The following AKAP6 variants were observed in gnomAD, a reference collection of about 807,000 sequenced individuals.
AKAP6 encodes the protein A-kinase anchor protein 6.
A neutral mutation model predicts 188.5 loss-of-function variants in AKAP6; 58 were observed. That is an observed-to-expected ratio of 0.31 (90% CI 0.25 to 0.38). AKAP6 has a LOEUF of 0.38. AKAP6 is among the 10% of genes least tolerant of loss of function. AKAP6 has a pLI of 1.00. For missense variants in AKAP6, 2,710 were observed against 2,740.0 expected (o/e 0.99, Z 0.24); for synonymous variants, 989 against 998.6 (o/e 0.99, Z 0.18).
At chr14:32,739,793 C>A (rs1244992609) in intron 11 of AKAP6, among the ~76,000 whole-genome samples, 2 of 152,028 alleles carry the variant, frequency 1.3e-5, no homozygotes, top group Non-Finnish European at 2.9e-5. Flanking sequence ...TTAGGTTGGG[C>A]TTCCAAATCT....
At chr14:32,393,462 A>C (rs545404902) in intron 1 of AKAP6, among the ~76,000 whole-genome samples, 1 of 152,154 alleles carries the variant, frequency 6.6e-6, no homozygotes, top group East Asian at 1.9e-4. Flanking sequence ...AATGACCCTG[A>C]ATAGATCCTG....
chr14:32,381,614 G>A (rs1462208657), intron 1 of AKAP6, among the ~76,000 whole-genome samples: 1 of 152,152 alleles, frequency 6.6e-6, no homozygotes, highest in Non-Finnish European at 1.5e-5. Flanking sequence ...AGCAGTGGGG[G>A]AACTAGGAGA....
rs71115086 is a variant in AKAP6, at chr14:32,615,167, C to CAAAAAAAAAAAAAAA, written c.2730+14380_2730+14394dup. 8.3e-3 allele frequency among the ~76,000 whole-genome samples: 444 copies of CAAAAAAAAAAAAAAA among 53,430 alleles called. 89 individuals carry two copies. Among genetic ancestry groups the CAAAAAAAAAAAAAAA allele is most frequent in the East Asian group, 0.04 (74 of 1,834 alleles). 35.1% of individuals were successfully genotyped at this position (53,430 alleles called of 152,430 possible). The stretch of plus-strand genomic sequence containing the variant: ...CTGGCAACAGAGCAAGACTCTGTCT[C>CAAAAAAAAAAAAAAA]AAAAAAAAAAAAAAAAAAAGATAAA... On this transcript the variant is annotated intron_variant, in intron 7 of 13. Coordinates refer to ENST00000280979, the MANE Select transcript of AKAP6 (RefSeq NM_004274.5).
intron 11 of AKAP6, among the ~76,000 whole-genome samples, chr14:32,740,681 T>C (rs1203962153): frequency 1.3e-5 from 2 of 152,046 alleles, no homozygotes; most frequent in African/African-American, 4.8e-5. Context: ...GAGTTCACTG[T>C]AGGTGTGTGA....
chr14:32,765,305 T>C (rs1345920734), intron 11 of AKAP6, among the ~76,000 whole-genome samples: 1 of 152,202 alleles, frequency 6.6e-6, no homozygotes, highest in Non-Finnish European at 1.5e-5. Context: ...CAGATGCATA[T>C]AGTCGACTCA....
chr14:32,758,719 G>A (rs1277449325), intron 11 of AKAP6, among the ~76,000 whole-genome samples: 2 of 152,112 alleles, frequency 1.3e-5, no homozygotes, highest in Non-Finnish European at 2.9e-5. Context: ...GGCAACAAGA[G>A]TGAAACTCCA....
chr14:32,485,643 C>T, intron 2 of AKAP6, among the ~76,000 whole-genome samples: 1 of 135,312 alleles, frequency 7.4e-6, no homozygotes, highest in Non-Finnish European at 1.5e-5. Context: ...ACCCTTCGCC[C>T]ACCTTTTAAT....
intron 1 of AKAP6, among the ~76,000 whole-genome samples, chr14:32,383,457 C>T (rs1001096231): frequency 2.0e-5 from 3 of 152,078 alleles, no homozygotes; most frequent in Admixed American, 6.6e-5. Context: ...TGTAACGTGT[C>T]ACATACTCTG....
Position 32,686,573 on chromosome 14 carries a change from C to T in AKAP6, c.2879+8114C>T, listed in dbSNP as rs569089891. Among the ~76,000 whole-genome samples, 17 of 151,768 alleles carry T rather than the reference C, an allele frequency of 1.1e-4. No individual in the cohort carries two copies. The South Asian group carries it at 3.4e-3, about 30-fold the overall frequency. ...TGTACTCCATAAATATATATACGTA[C>T]TATGTACCCACAAAAATTAAAAATA... On this transcript the variant is annotated intron_variant, in intron 8 of 13. Coordinates refer to ENST00000280979, the MANE Select transcript of AKAP6 (RefSeq NM_004274.5).
In AKAP6 at chr14:32,658,432, C is replaced by T. The variant is rs375190472; in HGVS notation, c.2731-19879C>T. ...GAAGTGATCACTGTTTTGTGATTTA[C>T]AACCTTGGAGAAAAATAACATAGTA... is the stretch of plus-strand genomic sequence containing the variant. On this transcript the variant is annotated intron_variant, in intron 7 of 13. Coordinates refer to ENST00000280979, the MANE Select transcript of AKAP6 (RefSeq NM_004274.5). Among the ~76,000 whole-genome samples, 15 of 152,174 alleles carry T rather than the reference C, an allele frequency of 9.9e-5. No homozygotes were observed. The East Asian group carries it at 2.5e-3, about 25-fold the overall frequency.
intron 12 of AKAP6, among the ~76,000 whole-genome samples, chr14:32,800,127 C>T (rs12878888): frequency 0.41 from 58,312 of 143,244 alleles, 12,047 homozygotes; most frequent in African/African-American, 0.43. Context: ...CATATATATA[C>T]ACACATATAT....
chr14:32,692,494 T>C (rs923022365), intron 8 of AKAP6, among the ~76,000 whole-genome samples: 1 of 152,202 alleles, frequency 6.6e-6, no homozygotes, highest in Non-Finnish European at 1.5e-5. Context: ...TCATTTTAAG[T>C]AAGTGAATTT....
chr14:32,353,763 T>C (rs1164928383), intron 1 of AKAP6, among the ~76,000 whole-genome samples: 3 of 148,394 alleles, frequency 2.0e-5, no homozygotes, highest in East Asian at 2.1e-4. Context: ...AGCAAAGTCT[T>C]AGGATACAAA....
At position 32,359,562 on chromosome 14, in the gene AKAP6, CT is replaced by C. The variant is rs36076715; in HGVS notation, c.-35+30168del. 3.3e-3 allele frequency among the ~76,000 whole-genome samples: 470 copies of C among 143,500 alleles called. 3 individuals carry two copies. Among genetic ancestry groups the C allele is most frequent in the East Asian group, 0.019 (95 of 4,940 alleles). The allele number at this position is 143,500 out of a possible 152,430, so 94.1% of individuals were successfully genotyped here. On this transcript the variant is annotated intron_variant, in intron 1 of 13. Transcript: ENST00000280979. ...ACTATTAACTAAACTACTGCATAGA[CT>C]TTTTTTTTTTTTTCATTAATACCCT... is the stretch of plus-strand genomic sequence containing the variant.
At chr14:32,483,423 AG>A (rs1229334330) in intron 2 of AKAP6, among the ~76,000 whole-genome samples, 5 of 24,082 alleles carry the variant, frequency 2.1e-4, no homozygotes, top group Admixed American at 5.7e-4. Flanking sequence ...AATGTAAAAC[AG>A]TTTTATAGTG....
chr14:32,720,165 A>G (rs1169194377), intron 9 of AKAP6, among the ~76,000 whole-genome samples: 3 of 152,252 alleles, frequency 2.0e-5, no homozygotes, highest in Admixed American at 6.5e-5. Context: ...TTGAGAAACT[A>G]TTCACTGACT....
chr14:32,804,081 T>C (rs531393260), intron 12 of AKAP6, among the ~76,000 whole-genome samples: 6 of 152,252 alleles, frequency 3.9e-5, no homozygotes, highest in Non-Finnish European at 7.3e-5. Flanking sequence ...AATGAGTTAA[T>C]ACCTATAAAG....
chr14:32,544,848 G>A (rs184581079), intron 3 of AKAP6, among the ~76,000 whole-genome samples: 3 of 152,206 alleles, frequency 2.0e-5, no homozygotes, highest in East Asian at 1.9e-4. Context: ...ACAGACATTC[G>A]TGGAGATTTT....
intron 11 of AKAP6, among the ~76,000 whole-genome samples, chr14:32,740,385 C>A (rs1432949716): frequency 6.6e-6 from 1 of 152,016 alleles, no homozygotes; most frequent in Non-Finnish European, 1.5e-5. Context: ...GATATGATCT[C>A]ATTTGTCCAT....
Sources: allele counts gnomAD v4.1 joint callset (sites outside exome capture counted in the v4.1 genomes callset), GRCh38; gene constraint gnomAD v4.1.1; transcripts MANE v1.5; gene names NCBI Gene and HGNC (gene_info 2026-07-23, HGNC 2026-07-21).